The following GALNT17 variants were observed in gnomAD, a reference collection of about 807,000 sequenced individuals.
The protein encoded by GALNT17 is polypeptide N-acetylgalactosaminyltransferase 17, also known as UDP-GalNAc:polypeptide N-acetylgalactosaminyltransferase-like 3.
In GALNT17, 29 loss-of-function variants were observed where a neutral mutation model predicts 63.7. The ratio of observed to expected loss-of-function variants is 0.46; its 90% CI spans 0.34 to 0.62. GALNT17 has a LOEUF of 0.62. GALNT17 is among the 20% of genes least tolerant of loss of function. The pLI is 0.01. For missense variants in GALNT17, 603 were observed against 799.6 expected (o/e 0.75, Z 2.97); for synonymous variants, 305 against 318.3 (o/e 0.96, Z 0.45).
intron 5 of GALNT17, among the ~76,000 whole-genome samples, chr7:71,479,872 CTA>C (rs749970301): frequency 1.1e-4 from 17 of 152,320 alleles, no homozygotes; most frequent in Middle Eastern, 3.4e-3. Flanking sequence ...CACAGTGGTG[CTA>C]TTCCTGTGAA....
chr7:71,479,461 A>G (rs1787778489), intron 5 of GALNT17, among the ~76,000 whole-genome samples: 1 of 152,196 alleles, frequency 6.6e-6, no homozygotes, highest in African/African-American at 2.4e-5. Flanking sequence ...GCATGGTTCA[A>G]AGGACACTCT....
At chr7:71,582,811 C>G (rs920197793) in intron 6 of GALNT17, among the ~76,000 whole-genome samples, 1 of 151,848 alleles carries the variant, frequency 6.6e-6, no homozygotes, top group African/African-American at 2.4e-5. Context: ...TTCGGTGACT[C>G]AGGGGAAAGG....
intron 6 of GALNT17, among the ~76,000 whole-genome samples, chr7:71,617,690 T>C (rs1790233923): frequency 6.6e-6 from 1 of 151,698 alleles, no homozygotes; most frequent in South Asian, 2.1e-4. Context: ...TCACCCAGGC[T>C]GGAGTGCTGT....
intron 2 of GALNT17, among the ~76,000 whole-genome samples, chr7:71,348,829 A>C (rs1336128715): frequency 6.6e-6 from 1 of 151,674 alleles, no homozygotes; most frequent in East Asian, 1.9e-4. Context: ...GTTGGTACTT[A>C]AACAACCTTT....
chr7:71,528,469 A>G (rs1423527136), intron 5 of GALNT17, among the ~76,000 whole-genome samples: 2 of 152,208 alleles, frequency 1.3e-5, no homozygotes, highest in African/African-American at 2.4e-5. Context: ...CATGTCATCT[A>G]CAGGCTACAG....
intron 1 of GALNT17, among the ~76,000 whole-genome samples, chr7:71,308,041 T>C (rs537045089): frequency 7.3e-4 from 111 of 152,076 alleles, no homozygotes; most frequent in Non-Finnish European, 1.4e-3. Context: ...TTTCATCCAA[T>C]TCTGGGAAGT....
At position 71,711,986 on chromosome 7, in the gene GALNT17, TCTC is replaced by T. The variant is rs528880733; in HGVS notation, c.1669-28_1669-26del. ...CGCTGTCTCTCTCTCCTCTCTCTCT[TCTC>T]CTCTCTTCTCGATTTTGCCCCCTCC... On this transcript the variant is annotated intron_variant, in intron 10 of 10. Transcript: ENST00000333538. 4.5e-4 allele frequency: 718 copies of T among 1,612,408 alleles called. 1 individual carries two copies. The African/African-American group carries it at 8.8e-3, about 20-fold the overall frequency.
chr7:71,576,831 G>C (rs1789546445), intron 6 of GALNT17, among the ~76,000 whole-genome samples: 2 of 152,084 alleles, frequency 1.3e-5, no homozygotes, highest in African/African-American at 4.8e-5. Flanking sequence ...GTCTCCCAAA[G>C]TACTAGGACT....
chr7:71,624,345 A>C (rs1160480959), intron 6 of GALNT17, among the ~76,000 whole-genome samples: 1 of 152,208 alleles, frequency 6.6e-6, no homozygotes, highest in Non-Finnish European at 1.5e-5. Context: ...CCACAGCAGA[A>C]GAGCATAACC....
chr7:71,551,602 A>G (rs1328046275), intron 5 of GALNT17, among the ~76,000 whole-genome samples: 1 of 152,150 alleles, frequency 6.6e-6, no homozygotes, highest in Non-Finnish European at 1.5e-5. Flanking sequence ...GTCTCTTAAA[A>G]AAAATACAAA....
At chr7:71,578,177 C>A (rs1688352365) in intron 6 of GALNT17, among the ~76,000 whole-genome samples, 1 of 152,036 alleles carries the variant, frequency 6.6e-6, no homozygotes, top group African/African-American at 2.4e-5. Flanking sequence ...GCTGGGATTA[C>A]AGGCACCCAC....
intron 5 of GALNT17, among the ~76,000 whole-genome samples, chr7:71,539,397 A>G (rs1033873980): frequency 6.6e-6 from 1 of 152,210 alleles, no homozygotes; most frequent in Admixed American, 6.5e-5. Flanking sequence ...AGAATTAATT[A>G]TATAAGCTCA....
chr7:71,433,741 T>G (rs925650790), intron 5 of GALNT17, among the ~76,000 whole-genome samples: 8 of 152,200 alleles, frequency 5.3e-5, no homozygotes, highest in African/African-American at 1.2e-4. Context: ...GGTAGAGTCC[T>G]GAGTGGGAAT....
At chr7:71,503,648 A>G (rs1371951323) in intron 5 of GALNT17, among the ~76,000 whole-genome samples, 2 of 152,188 alleles carry the variant, frequency 1.3e-5, no homozygotes, top group African/African-American at 4.8e-5. Context: ...TCAGTACTGT[A>G]TTCCTCTTTC....
At chr7:71,577,479 A>G (rs1389856968) in intron 6 of GALNT17, among the ~76,000 whole-genome samples, 3 of 152,174 alleles carry the variant, frequency 2.0e-5, no homozygotes, top group Admixed American at 1.3e-4. Context: ...CATGGAGGAA[A>G]GGATATAAGA....
chr7:71,662,149 G>T (rs905185186), intron 6 of GALNT17, among the ~76,000 whole-genome samples: 26 of 152,200 alleles, frequency 1.7e-4, no homozygotes, highest in African/African-American at 6.0e-4. Context: ...TTCCCACTTG[G>T]CACCTGTGTT....
At chr7:71,498,351 T>A (rs1162547197) in intron 5 of GALNT17, among the ~76,000 whole-genome samples, 2 of 151,822 alleles carry the variant, frequency 1.3e-5, no homozygotes, top group African/African-American at 4.8e-5. Flanking sequence ...GCGGTTCACG[T>A]CTGTAATCCC....
chr7:71,665,458 G>A lies in GALNT17; in HGVS notation c.1128G>A (p.Val376=), dbSNP rs753265744. ...TGGAGGTCCTTCCTTGCTCACGGGT[G>A]GCCCACATTGAGCGGAAGAAGAAGC... ...GSMEVLPCSR[V]AHIERKKKPY... The change falls in exon 7 of 11, where the codon GTG becomes GTA. Residue 376 remains valine, a synonymous_variant. Transcript: ENST00000333538. 3.1e-6 allele frequency: 5 copies of A among 1,612,986 alleles called. No individual in the cohort carries two copies. The East Asian group carries it at 1.1e-4, about 36-fold the overall frequency.
intron 1 of GALNT17, among the ~76,000 whole-genome samples, chr7:71,171,600 A>T (rs905972642): frequency 3.3e-5 from 5 of 152,184 alleles, no homozygotes; most frequent in African/African-American, 4.8e-5. Context: ...GTGCCAAAGG[A>T]TTTTTATATT....
Sources: gnomAD v4.1 joint callset for allele counts (sites outside exome capture counted in the v4.1 genomes callset) on GRCh38, gnomAD v4.1.1 for gene constraint, MANE v1.5 for transcripts, NCBI Gene and HGNC (gene_info 2026-07-23, HGNC 2026-07-21) for gene names.